The following ZNF587B variants were observed in gnomAD, a reference collection of about 807,000 sequenced individuals.
The protein encoded by ZNF587B is zinc finger protein 587B.
In ZNF587B, 6 loss-of-function variants were observed where a neutral mutation model predicts 7.2. The ratio of observed to expected loss-of-function variants is 0.83; its 90% CI spans 0.46 to 1.65. ZNF587B has a LOEUF of 1.65. Among genes scored for constraint, ZNF587B ranks in the 40% most tolerant of loss-of-function variants. The probability of loss-of-function intolerance (pLI) is 0.01; values close to 1 mark genes in which losing one functional copy is unlikely to be tolerated. For missense variants in ZNF587B, 749 were observed against 761.0 expected, an observed-to-expected ratio of 0.98 and a Z score of 0.19; for synonymous variants, 274 against 254.3, an observed-to-expected ratio of 1.08 and a Z score of -0.74.
rs752170508 is a variant in ZNF587B, at chr19:57,841,185, G to T, written c.511G>T (p.Val171Phe). 1.2e-6 allele frequency: 2 copies of T among 1,614,214 alleles called. No individual in the cohort carries two copies. The highest frequency in any genetic ancestry group is 3.3e-5 in the Admixed American group (2 of 60,016). Reference protein sequence around the residue: ...CKLHVSGESSVFSESGKDFLP... With the variant: ...CKLHVSGESSFFSESGKDFLP... ...GTTGCATGTGTCAGGGGAGTCATCT[G>T]TCTTCAGTGAGAGTGGGAAGGACTT... The change falls in exon 3 of 3, where the codon GTC becomes TTC. Residue 171 changes from valine (V) to phenylalanine (F), a missense_variant. By Grantham distance (50) the Val-to-Phe change is conservative. Around this residue, in one of 3 missense-constraint regions of ZNF587B, gnomAD observed 656 missense variants for 596.5 expected, o/e 1.10. Transcript: ENST00000594901.
rs1407011436 is a variant in ZNF587B, at chr19:57,844,724, TCACAC to T, written c.*2149_*2153del. ...TGGGTTTTTTATTTTAGTGTCAATA[TCACAC>T]TGAAAGATTGGTGATTTTTTTTGAA... On this transcript the variant is annotated 3_prime_UTR_variant, in exon 3 of 3. Coordinates refer to ENST00000594901, the MANE Select transcript of ZNF587B (RefSeq NM_001376223.1). The T allele has an allele frequency of 1.3e-5, 2 of 152,406 alleles. No individual in the cohort carries two copies. The highest frequency in any genetic ancestry group is 4.8e-5 in the African/African-American group (2 of 41,456). 9.4% of individuals were successfully genotyped at this position (152,406 alleles called of 1,614,324 possible).
At chr19:57,838,295 A>T (rs57140212) in intron 1 of ZNF587B, among the ~76,000 whole-genome samples, 10 of 129,026 alleles carry the variant, frequency 7.8e-5, no homozygotes, top group South Asian at 2.2e-4. Context: ...AAAAAAAAAT[A>T]AAAAAAAAAA....
chr19:57,843,930 G>A lies in ZNF587B; in HGVS notation c.*1354G>A, dbSNP rs1243068237. 6.6e-6 allele frequency among the ~76,000 whole-genome samples: 1 copy of A among 151,742 alleles called. No homozygotes were observed. Among genetic ancestry groups the A allele is most frequent in the Admixed American group, 6.6e-5 (1 of 15,198 alleles). On this transcript the variant is annotated 3_prime_UTR_variant, in exon 3 of 3. Transcript: ENST00000594901. The stretch of plus-strand genomic sequence containing the variant: ...AAAATTTTTTAAATTTATATTTTTT[G>A]TAGAGACAGGGTCTTGCTGTGTTGC...
chr19:57,841,675 C>G lies in ZNF587B; in HGVS notation c.1001C>G (p.Ser334Cys), dbSNP rs1988857779. ...GPYECGECGKSFSSNVNLKSH... is the reference protein window; with the variant it reads ...GPYECGECGKCFSSNVNLKSH... Reference sequence around the variant, plus strand: ...TATGAGTGTGGAGAATGTGGGAAATCTTTTAGTTCAAACGTGAACCTTAAG... The same window carrying G: ...TATGAGTGTGGAGAATGTGGGAAATGTTTTAGTTCAAACGTGAACCTTAAG... Residue 334 changes from serine to cysteine, a missense_variant, in exon 3 of 3, where the codon TCT becomes TGT. Coordinates refer to ENST00000594901, the MANE Select transcript of ZNF587B (RefSeq NM_001376223.1). 3 of 1,605,194 alleles carry G rather than the reference C, an allele frequency of 1.9e-6. No individual in the cohort carries two copies. The highest frequency in any genetic ancestry group is 1.3e-5 in the African/African-American group (1 of 74,712).
Position 57,843,446 on chromosome 19 carries a change from C to G in ZNF587B, c.*870C>G, listed in dbSNP as rs1016950116. Reference sequence around the variant, plus strand: ...GTGACTGCCACTTATCTGGCAAAAGCCATTACATCTCAGCTACTTGGTAGG... The same window carrying G: ...GTGACTGCCACTTATCTGGCAAAAGGCATTACATCTCAGCTACTTGGTAGG... On this transcript the variant is annotated 3_prime_UTR_variant, in exon 3 of 3. Transcript: ENST00000594901. The G allele has an allele frequency of 6.1e-6, 6 of 985,356 alleles. No individual in the cohort carries two copies. Among genetic ancestry groups the G allele is most frequent in the Non-Finnish European group, 7.2e-6 (6 of 829,926 alleles). 61.0% of individuals were successfully genotyped at this position (985,356 alleles called of 1,614,324 possible).
rs560315251 is a variant in ZNF587B, at chr19:57,830,339, C to T, written c.-190C>T. ...TATTTGTCGGAGAGGCTCCTGAGCG[C>T]TAGGTCGGCACTGCGGTGACTGAAC... On this transcript the variant is annotated 5_prime_UTR_variant, in exon 1 of 3. Coordinates refer to ENST00000594901, the MANE Select transcript of ZNF587B (RefSeq NM_001376223.1). 3.5e-6 allele frequency: 2 copies of T among 572,772 alleles called. No individual in the cohort carries two copies. Among genetic ancestry groups the T allele is most frequent in the East Asian group, 5.9e-5 (2 of 33,898 alleles). 35.5% of individuals were successfully genotyped at this position (572,772 alleles called of 1,614,324 possible).
At position 57,841,138 on chromosome 19, in the gene ZNF587B, C is replaced by G; in HGVS notation, c.464C>G (p.Ala155Gly). 1.2e-6 allele frequency: 2 copies of G among 1,614,076 alleles called. No homozygotes were observed. Among genetic ancestry groups the G allele is most frequent in the Non-Finnish European group, 1.7e-6 (2 of 1,180,030 alleles). ...CCCTACAGAGGGAGTGTTGAGGAGG[C>G]GTTGTTTGTGAAGAGGTGTAAGTTG... ...EKPYRGSVEEALFVKRCKLHV... is the reference protein window; with the variant it reads ...EKPYRGSVEEGLFVKRCKLHV... Residue 155 changes from alanine (A) to glycine (G), a missense_variant, in exon 3 of 3, where the codon GCG (alanine) becomes GGG (glycine). By Grantham distance (60) the Ala-to-Gly change is moderately conservative. This residue lies in a region of ZNF587B where 656 missense variants were observed against 596.5 expected (regional missense o/e 1.10). Transcript: ENST00000594901.
At chr19:57,836,252 T>C (rs938829035) in intron 1 of ZNF587B, among the ~76,000 whole-genome samples, 6 of 152,168 alleles carry the variant, frequency 3.9e-5, no homozygotes, top group South Asian at 2.1e-4. Flanking sequence ...TCTGTGTTTC[T>C]GTGGAGCCAT....
Position 57,845,806 on chromosome 19 carries a change from C to T in ZNF587B, c.*3230C>T, listed in dbSNP as rs1452292402. 1 of 152,158 alleles carries T rather than the reference C, an allele frequency of 6.6e-6. No individual in the cohort carries two copies. The highest frequency in any genetic ancestry group is 1.9e-4 in the East Asian group (1 of 5,198). 9.4% of individuals were successfully genotyped at this position (152,158 alleles called of 1,614,324 possible). A position where few individuals can be genotyped will look rare whatever the true frequency, so the allele number is the denominator to read the frequency against. ...GATTCCTTGAGACCAGTGTGGGGAACATGGCAAAACCTTGTCTCTAGGAAA... is the reference window on the plus strand; with the variant it reads ...GATTCCTTGAGACCAGTGTGGGGAATATGGCAAAACCTTGTCTCTAGGAAA... On this transcript the variant is annotated 3_prime_UTR_variant, in exon 3 of 3. Coordinates refer to ENST00000594901, the MANE Select transcript of ZNF587B (RefSeq NM_001376223.1).
chr19:57,837,093 A>G lies in ZNF587B; in HGVS notation c.37-1930A>G, dbSNP rs146969809. ...CATTTTTATCTCCAGAGTTATTCAA[A>G]TAAGTCAATGGCATCCTCCTGAGGG... is the stretch of plus-strand genomic sequence containing the variant. On this transcript the variant is annotated intron_variant, in intron 1 of 2. Transcript: ENST00000594901. Among the ~76,000 whole-genome samples, 707 of 152,180 alleles carry G rather than the reference A, an allele frequency of 4.6e-3. 7 individuals carry two copies. Among genetic ancestry groups the G allele is most frequent in the African/African-American group, 0.016 (668 of 41,514 alleles).
Position 57,839,126 on chromosome 19 carries a change from A to G in ZNF587B, c.140A>G (p.Asn47Ser). Residue 47 changes from asparagine to serine, a missense_variant, in exon 2 of 3, where the codon AAC becomes AGC. Asn to Ser is a conservative substitution (Grantham distance 46). Around this residue, in one of 3 missense-constraint regions of ZNF587B, gnomAD observed 72 missense variants for 147.8 expected, o/e 0.49. Transcript: ENST00000594901. The stretch of plus-strand genomic sequence containing the variant: ...CTGTACCGTGATGTGACTCTGGAGA[A>G]CCTGGCACTTATGTCCTCCCTGGGT... ...RCLYRDVTLE[N>S]LALMSSLGCW... 3.7e-6 allele frequency: 6 copies of G among 1,614,104 alleles called. No homozygotes were observed. Among genetic ancestry groups the G allele is most frequent in the Non-Finnish European group, 5.1e-6 (6 of 1,179,998 alleles).
intron 1 of ZNF587B, among the ~76,000 whole-genome samples, chr19:57,832,796 A>G (rs563678349): frequency 3.7e-4 from 56 of 152,390 alleles, no homozygotes; most frequent in African/African-American, 1.3e-3. Context: ...TTGCAGACTC[A>G]GAGAGCTGTA....
chr19:57,841,114 C>T lies in ZNF587B; in HGVS notation c.440C>T (p.Pro147Leu). ...CAGAATGAGCACATTGGAGAGAAAC[C>T]CTACAGAGGGAGTGTTGAGGAGGCG... is the stretch of plus-strand genomic sequence containing the variant. ...QHQNEHIGEKPYRGSVEEALF... is the reference protein window; with the variant it reads ...QHQNEHIGEKLYRGSVEEALF... Residue 147 changes from proline (P) to leucine (L), a missense_variant, in exon 3 of 3, where the codon CCC becomes CTC. Transcript: ENST00000594901. 1 of 1,613,922 alleles carries T rather than the reference C, an allele frequency of 6.2e-7. No individual in the cohort carries two copies. The highest frequency in any genetic ancestry group is 8.5e-7 in the Non-Finnish European group (1 of 1,180,010).
intron 1 of ZNF587B, among the ~76,000 whole-genome samples, chr19:57,835,908 G>T (rs530982359): frequency 3.9e-4 from 59 of 151,018 alleles, no homozygotes; most frequent in African/African-American, 1.4e-3. Context: ...ATTTTGGAGG[G>T]CACACTTCAT....
rs1988950311 is a variant in ZNF587B at position 57,843,590 on chromosome 19, G to GGTTTTTTTTTTTTTTTT, written c.*1014_*1015insGTTTTTTTTTTTTTTTT. On this transcript the variant is annotated 3_prime_UTR_variant, in exon 3 of 3. Coordinates refer to ENST00000594901, the MANE Select transcript of ZNF587B (RefSeq NM_001376223.1). Reference sequence around the variant, plus strand: ...TGGTTGGTTGGTTGGTTGGTTGGTTGTTTTTTTTTGTTTTTTTTTTTTTTT... The same window carrying GGTTTTTTTTTTTTTTTT: ...TGGTTGGTTGGTTGGTTGGTTGGTTGGTTTTTTTTTTTTTTTTTTTTTTTTTGTTTTTTTTTTTTTTT... 2.0e-6 allele frequency: 1 copy of GGTTTTTTTTTTTTTTTT among 512,058 alleles called. No individual in the cohort carries two copies. Among genetic ancestry groups the GGTTTTTTTTTTTTTTTT allele is most frequent in the Non-Finnish European group, 2.3e-6 (1 of 435,950 alleles). The allele number at this position is 512,058 out of a possible 1,614,324, so 31.7% of individuals were successfully genotyped here.
intron 1 of ZNF587B, among the ~76,000 whole-genome samples, chr19:57,831,089 A>G (rs1449986006): frequency 1.3e-5 from 2 of 152,154 alleles, no homozygotes; most frequent in Non-Finnish European, 2.9e-5. Flanking sequence ...GGAACTGCGG[A>G]TATAGCTCGC....
rs1227622430 is a variant in ZNF587B at position 57,843,200 on chromosome 19, C to T, written c.*624C>T. On this transcript the variant is annotated 3_prime_UTR_variant, in exon 3 of 3. Transcript: ENST00000594901. ...TAGATATAGGGTTTTACCATGTTTC[C>T]AGGCTGGTATCGAACTCCTGAGCTC... 2.3e-5 allele frequency: 17 copies of T among 737,446 alleles called. No homozygotes were observed. The highest frequency in any genetic ancestry group is 3.8e-5 in the African/African-American group (2 of 52,112). 45.7% of individuals were successfully genotyped at this position (737,446 alleles called of 1,614,324 possible).
At position 57,843,751 on chromosome 19, in the gene ZNF587B, G is replaced by A. The variant is rs1442533106; in HGVS notation, c.*1175G>A. 1.3e-5 allele frequency among the ~76,000 whole-genome samples: 2 copies of A among 151,624 alleles called. No individual in the cohort carries two copies. Among genetic ancestry groups the A allele is most frequent in the African/African-American group, 4.8e-5 (2 of 41,248 alleles). On this transcript the variant is annotated 3_prime_UTR_variant, in exon 3 of 3. Coordinates refer to ENST00000594901, the MANE Select transcript of ZNF587B (RefSeq NM_001376223.1). ...TGAGTAGCTGGGATTACAGGTGCCT[G>A]CCACCACACCCAGGTAATTTTTGTA...
Position 57,841,242 on chromosome 19 carries a change from G to A in ZNF587B, c.568G>A (p.Ala190Thr), listed in dbSNP as rs561059388. The part of the protein sequence containing the change: ...LPRSGLLQQE[A>T]SHTGEKSNSK... ...CAGGTCAGGATTACTCCAGCAGGAG[G>A]CCAGTCACACTGGGGAGAAGTCAAA... The change falls in exon 3 of 3, where the codon GCC (alanine) becomes ACC (threonine). Residue 190 changes from alanine (A) to threonine (T), a missense_variant. By Grantham distance (58) the Ala-to-Thr change is moderately conservative (BLOSUM62 0). Transcript: ENST00000594901. The A allele has an allele frequency of 1.2e-5, 20 of 1,614,146 alleles. No individual in the cohort carries two copies. In the African/African-American group the frequency reaches 2.3e-4, roughly 18 times the overall value.
Sources: allele counts gnomAD v4.1 joint callset (sites outside exome capture counted in the v4.1 genomes callset), GRCh38; gene constraint gnomAD v4.1.1; regional missense constraint gnomAD v4.1.1; transcripts MANE v1.5; gene names NCBI Gene and HGNC (gene_info 2026-07-23, HGNC 2026-07-21).